CELF5: variants seen among roughly 807,000 people sequenced by gnomAD.
CELF5 encodes the protein CUG-BP and ETR-3 like factor 5.
CELF5 carries 6 observed loss-of-function variants against 54.9 expected under a neutral mutation model. That is an observed-to-expected ratio of 0.11 (90% confidence interval 0.06 to 0.22). The LOEUF is 0.22. CELF5 is among the 10% of genes least tolerant of loss of function. The probability of loss-of-function intolerance (pLI) is 1.00; values close to 1 mark genes in which losing one functional copy is unlikely to be tolerated. For synonymous variants in CELF5, 271 were observed against 290.9 expected (o/e 0.93, Z 0.70); for missense variants, 401 against 678.6 (o/e 0.59, Z 4.54).
intron 1 of CELF5, among the ~76,000 whole-genome samples, chr19:3,242,892 A>T (rs919381584): frequency 6.6e-6 from 1 of 152,070 alleles, no homozygotes; most frequent in African/African-American, 2.4e-5. Context: ...TGAACCTGGG[A>T]GGTGGAGGTT....
chr19:3,237,917 C>T (rs1385483235), intron 1 of CELF5, among the ~76,000 whole-genome samples: 5 of 151,824 alleles, frequency 3.3e-5, no homozygotes, highest in South Asian at 2.1e-4. Flanking sequence ...GGCCTGGTGG[C>T]GGGCGCCTAT....
At chr19:3,258,615 T>A (rs184225067) in intron 2 of CELF5, among the ~76,000 whole-genome samples, 1 of 152,184 alleles carries the variant, frequency 6.6e-6, no homozygotes, top group African/African-American at 2.4e-5. Flanking sequence ...ACATATTTTT[T>A]ATTTTTATTT....
intron 2 of CELF5, among the ~76,000 whole-genome samples, chr19:3,272,496 G>T (rs1233017374): frequency 6.6e-6 from 1 of 152,238 alleles, no homozygotes; most frequent in Non-Finnish European, 1.5e-5. Flanking sequence ...CTCAGGGGAT[G>T]TGGGAATCTA....
chr19:3,226,371 C>T (rs1599373910), intron 1 of CELF5, among the ~76,000 whole-genome samples: 1 of 151,512 alleles, frequency 6.6e-6, no homozygotes, highest in South Asian at 2.1e-4. Flanking sequence ...CAGCTAGACC[C>T]TCCAGCTGGT....
At position 3,268,366 on chromosome 19, in the gene CELF5, C is replaced by T. The variant is rs1412535793; in HGVS notation, c.343-5506C>T. Among the ~76,000 whole-genome samples the T allele has an allele frequency of 6.6e-6, 1 of 152,066 alleles. No individual in the cohort carries two copies. The highest frequency in any genetic ancestry group is 1.5e-5 in the Non-Finnish European group (1 of 68,022). On this transcript the variant is annotated intron_variant, in intron 2 of 12. Transcript: ENST00000292672. The surrounding 1 kb of genome is among the most constrained non-coding windows in gnomAD (Gnocchi z 4.4). ...CCTGTCAGGTGCTGAACGCAGAACC[C>T]GAGCTCGGCACACAGGCACAGAATA...
chr19:3,287,034 C>CAAAAAAA (rs55661552), intron 10 of CELF5, among the ~76,000 whole-genome samples: 1 of 103,538 alleles, frequency 9.7e-6, no homozygotes, highest in African/African-American at 3.8e-5. Flanking sequence ...GACTCCGTCT[C>CAAAAAAA]AAAAAAAAAA....
At chr19:3,226,986 G>A (rs914953930) in intron 1 of CELF5, among the ~76,000 whole-genome samples, 2 of 152,010 alleles carry the variant, frequency 1.3e-5, no homozygotes, top group African/African-American at 4.8e-5. Flanking sequence ...CCCATTTGCG[G>A]GCTTTCCTTG....
intron 1 of CELF5, among the ~76,000 whole-genome samples, chr19:3,233,420 G>C (rs754328593): frequency 2.0e-4 from 30 of 152,230 alleles, no homozygotes; most frequent in Non-Finnish European, 3.2e-4. Context: ...GTTGAGATAG[G>C]TGTGAGGTGA....
chr19:3,250,311 A>G (rs1046615308), intron 1 of CELF5, among the ~76,000 whole-genome samples: 2 of 151,304 alleles, frequency 1.3e-5, no homozygotes, highest in East Asian at 3.9e-4. Context: ...ACACGGTGAA[A>G]CCCCGCCTCT....
chr19:3,293,561 T>G (rs2080387302), intron 12 of CELF5, 75 bp downstream of exon 12: 1 of 1,251,950 alleles, frequency 8.0e-7, no homozygotes, highest in Non-Finnish European at 1.1e-6. Flanking sequence ...GCCCACTTCA[T>G]GCTCCAAACC....
chr19:3,227,426 G>T (rs1308635631), intron 1 of CELF5, among the ~76,000 whole-genome samples: 1 of 152,168 alleles, frequency 6.6e-6, no homozygotes, highest in African/African-American at 2.4e-5. Flanking sequence ...GAGCCCTGGC[G>T]TGGTTTAGTG....
At chr19:3,244,196 A>G (rs1043452726) in intron 1 of CELF5, among the ~76,000 whole-genome samples, 4 of 152,050 alleles carry the variant, frequency 2.6e-5, no homozygotes, top group Admixed American at 2.6e-4. Flanking sequence ...GAAGATTTTC[A>G]GCACCAGGGA....
chr19:3,229,836 C>T (rs918016679), intron 1 of CELF5, among the ~76,000 whole-genome samples: 1 of 152,194 alleles, frequency 6.6e-6, no homozygotes, highest in Non-Finnish European at 1.5e-5. Flanking sequence ...GGGGCGCTAA[C>T]TCCAGGGAAG....
intron 2 of CELF5, among the ~76,000 whole-genome samples, chr19:3,257,435 C>T (rs1334234860): frequency 1.3e-5 from 2 of 152,052 alleles, no homozygotes; most frequent in Non-Finnish European, 2.9e-5. Flanking sequence ...ACCAGAGGAA[C>T]GATCTGGTTT....
chr19:3,225,660 G>C (rs2056424402), intron 1 of CELF5: 1 of 927,574 alleles, frequency 1.1e-6, no homozygotes, highest in African/African-American at 1.8e-5. Flanking sequence ...CCGGCTCGGG[G>C]GGACGCGCCC....
rs1917027990 is a variant in CELF5, at chr19:3,228,108, A to G, written c.259+3110A>G. ...CCCTGGGGCGCTGGGTTTGTTTTTA[A>G]GAGAGAGAGAGAGAGAGAGATGAGG... On this transcript the variant is annotated intron_variant, in intron 1 of 12. Coordinates refer to ENST00000292672, the MANE Select transcript of CELF5 (RefSeq NM_021938.4). This position sits in a 1 kb window ranked among gnomAD's most constrained non-coding sequence, Gnocchi z 6.0. Among the ~76,000 whole-genome samples, 1 of 148,074 alleles carries G rather than the reference A, an allele frequency of 6.8e-6. No individual in the cohort carries two copies. The highest frequency in any genetic ancestry group is 6.7e-5 in the Admixed American group (1 of 14,908).
At chr19:3,245,389 TGTGTGTGTGTGC>T (rs1453998385) in intron 1 of CELF5, among the ~76,000 whole-genome samples, 2 of 148,364 alleles carry the variant, frequency 1.3e-5, no homozygotes, top group Non-Finnish European at 3.0e-5. Context: ...TGTATGCATC[TGTGTGTGTGTGC>T]GTGTGTGTGT....
chr19:3,225,004 C>T lies in CELF5; in HGVS notation c.259+6C>T, dbSNP rs1916803330. On this transcript the variant is annotated splice_donor_region_variant and intron_variant, in intron 1 of 12. Coordinates refer to ENST00000292672, the MANE Select transcript of CELF5 (RefSeq NM_021938.4). ...CTACACGGGGATGCACAAAGGTGGGCGCCCGGCCCCCTCCCCCCTCTCCCC... is the reference window on the plus strand; with the variant it reads ...CTACACGGGGATGCACAAAGGTGGGTGCCCGGCCCCCTCCCCCCTCTCCCC... 6.5e-7 allele frequency: 1 copy of T among 1,529,278 alleles called. No homozygotes were observed. 94.7% of individuals were successfully genotyped at this position (1,529,278 alleles called of 1,614,324 possible). A position where few individuals can be genotyped will look rare whatever the true frequency, so the allele number is the denominator to read the frequency against.
rs1195812856 is a variant in CELF5, at chr19:3,251,652, C to CTT, written c.342+606_342+607dup. 9.9e-3 allele frequency among the ~76,000 whole-genome samples: 664 copies of CTT among 67,022 alleles called. 9 individuals are homozygous for CTT. Among genetic ancestry groups the CTT allele is most frequent in the East Asian group, 0.048 (92 of 1,914 alleles). The allele number at this position is 67,022 out of a possible 152,430, so 44.0% of individuals were successfully genotyped here. A position where few individuals can be genotyped will look rare whatever the true frequency, so the allele number is the denominator to read the frequency against. On this transcript the variant is annotated intron_variant, in intron 2 of 12. Transcript: ENST00000292672. ...CCACAGTTCCTTAACACAAGGGCTT[C>CTT]TTTTTTTTTTTTTTTTTTTTTTGTT...
Sources: gnomAD v4.1 joint callset for allele counts (sites outside exome capture counted in the v4.1 genomes callset) on GRCh38, gnomAD v4.1.1 for gene constraint, Gnocchi (gnomAD v3.1) non-coding constraint, MANE v1.5 for transcripts, NCBI Gene and HGNC (gene_info 2026-07-23, HGNC 2026-07-21) for gene names.